Variants in VSTM2L observed in about 807,000 individuals in gnomAD.
VSTM2L encodes the protein V-set and transmembrane domain containing 2 like, also known as V-set and transmembrane domain-containing protein 2-like protein.
In VSTM2L, 9 loss-of-function variants were observed where a neutral mutation model predicts 19.9. That is an observed-to-expected ratio of 0.45 (90% CI 0.27 to 0.79). The LOEUF is 0.79. Among genes scored for constraint, VSTM2L ranks in the 30% least tolerant of loss-of-function variants. The pLI, the probability that VSTM2L is intolerant of heterozygous loss-of-function variation, is 0.15. For synonymous variants in VSTM2L, 127 were observed against 133.8 expected (o/e 0.95, Z 0.35); for missense variants, 286 against 295.5 (o/e 0.97, Z 0.24).
rs1178031333 is a variant in VSTM2L at position 37,944,285 on chromosome 20, C to G, written c.*32C>G. 2.7e-6 allele frequency: 4 copies of G among 1,457,026 alleles called. No homozygotes were observed. The highest frequency in any genetic ancestry group is 2.7e-6 in the Non-Finnish European group (3 of 1,097,924). The allele number at this position is 1,457,026 out of a possible 1,614,324, so 90.3% of individuals were successfully genotyped here. Reference sequence around the variant, plus strand: ...GCCCCTGCCCCCGCCCATCCGCCCCCACGCTGTACAGAGTGCATGAGGAGC... The same window carrying G: ...GCCCCTGCCCCCGCCCATCCGCCCCGACGCTGTACAGAGTGCATGAGGAGC... On this transcript the variant is annotated 3_prime_UTR_variant, in exon 4 of 4. Coordinates refer to ENST00000373461, the MANE Select transcript of VSTM2L (RefSeq NM_080607.3).
At chr20:37,933,059 A>G (rs946603031) in intron 2 of VSTM2L, among the ~76,000 whole-genome samples, 5 of 152,214 alleles carry the variant, frequency 3.3e-5, no homozygotes, top group Non-Finnish European at 5.9e-5. Context: ...CGTTGCAGGT[A>G]TCTGCGGTTG....
chr20:37,916,973 C>T (rs1227681384), intron 1 of VSTM2L, among the ~76,000 whole-genome samples: 1 of 152,096 alleles, frequency 6.6e-6, no homozygotes, highest in Non-Finnish European at 1.5e-5. Flanking sequence ...GGACTAGTTG[C>T]ATCACATTGT....
chr20:37,936,042 A>C (rs11907694), intron 3 of VSTM2L, among the ~76,000 whole-genome samples: 3,360 of 140,730 alleles, frequency 0.024, 127 homozygotes, highest in African/African-American at 0.082. Context: ...AGGCCACCAT[A>C]CCTAGCTAAT....
At chr20:37,924,550 G>A (rs1488159386) in intron 1 of VSTM2L, among the ~76,000 whole-genome samples, 2 of 124,828 alleles carry the variant, frequency 1.6e-5, no homozygotes, top group African/African-American at 3.1e-5. Context: ...GTGAGACTCT[G>A]TCTCAAAAAA....
intron 1 of VSTM2L, among the ~76,000 whole-genome samples, chr20:37,917,247 G>A (rs928619536): frequency 3.3e-5 from 5 of 152,068 alleles, no homozygotes; most frequent in Admixed American, 1.3e-4. Flanking sequence ...CCTGGGAGGC[G>A]GAGGTTGCAG....
intron 1 of VSTM2L, among the ~76,000 whole-genome samples, chr20:37,919,662 C>G (rs992918988): frequency 6.6e-6 from 1 of 152,252 alleles, no homozygotes; most frequent in Non-Finnish European, 1.5e-5. Flanking sequence ...GCACACACAC[C>G]CTTGTGGCCT....
At position 37,945,269 on chromosome 20, in the gene VSTM2L, C is replaced by A; in HGVS notation, c.*1016C>A. The stretch of plus-strand genomic sequence containing the variant: ...TGGGGGAGGTGGGAGAGGCCGAGGG[C>A]TTTGCCTAGGGGTGGGTTGCCCTGT... On this transcript the variant is annotated 3_prime_UTR_variant, in exon 4 of 4. Coordinates refer to ENST00000373461, the MANE Select transcript of VSTM2L (RefSeq NM_080607.3). 2.0e-6 allele frequency: 2 copies of A among 985,496 alleles called. No homozygotes were observed. Among genetic ancestry groups the A allele is most frequent in the Non-Finnish European group, 2.4e-6 (2 of 829,996 alleles). The allele number at this position is 985,496 out of a possible 1,614,324, so 61.0% of individuals were successfully genotyped here.
rs1354249642 is a variant in VSTM2L, at chr20:37,942,862, A to C, written c.343-1119A>C. Among the ~76,000 whole-genome samples, 6 of 152,210 alleles carry C rather than the reference A, an allele frequency of 3.9e-5. No individual in the cohort carries two copies. The East Asian group carries it at 1.2e-3, about 29-fold the overall frequency. ...AAGTACAAAGACGAATATAACAAACATCCTTGCTCCCCCCAAGTGGAGTGA... is the reference window on the plus strand; with the variant it reads ...AAGTACAAAGACGAATATAACAAACCTCCTTGCTCCCCCCAAGTGGAGTGA... On this transcript the variant is annotated intron_variant, in intron 3 of 3. Transcript: ENST00000373461.
Position 37,904,513 on chromosome 20 carries a change from C to T in VSTM2L, c.121+1042C>T, listed in dbSNP as rs546431581. On this transcript the variant is annotated intron_variant, in intron 1 of 3. Transcript: ENST00000373461. ...TGTATGAGCCCGGCAGCTGTGGGGG[C>T]TCCCCCTGACCCCTGTGAGCCTGGC... 9.8e-5 allele frequency among the ~76,000 whole-genome samples: 15 copies of T among 152,314 alleles called. No homozygotes were observed. In the South Asian group the frequency reaches 1.9e-3, roughly 19 times the overall value.
chr20:37,919,851 A>G (rs2072840804), intron 1 of VSTM2L, among the ~76,000 whole-genome samples: 1 of 152,156 alleles, frequency 6.6e-6, no homozygotes, highest in Admixed American at 6.5e-5. Context: ...GTGTGATCTC[A>G]GGCACCGACT....
intron 1 of VSTM2L, among the ~76,000 whole-genome samples, chr20:37,919,781 TG>T (rs2072840377): frequency 6.6e-6 from 1 of 152,152 alleles, no homozygotes. Flanking sequence ...TAGGCTTCAG[TG>T]GGGGAAATTT....
intron 1 of VSTM2L, among the ~76,000 whole-genome samples, chr20:37,928,178 A>G (rs868161006): frequency 2.0e-5 from 3 of 152,172 alleles, no homozygotes; most frequent in Middle Eastern, 3.4e-3. Context: ...ATGTTTGCAA[A>G]TGCCCCTGGT....
intron 1 of VSTM2L, among the ~76,000 whole-genome samples, chr20:37,924,234 A>G (rs979903935): frequency 8.5e-5 from 13 of 152,136 alleles, no homozygotes; most frequent in Non-Finnish European, 1.5e-5. Flanking sequence ...AGCCTGGATG[A>G]CAGAGTGAGA....
intron 1 of VSTM2L, among the ~76,000 whole-genome samples, chr20:37,905,458 G>GA (rs924377401): frequency 6.6e-5 from 10 of 152,184 alleles, no homozygotes; most frequent in Non-Finnish European, 1.5e-4. Flanking sequence ...CAGGTAAGCT[G>GA]AGGGGGCACA....
rs1228673726 is a variant in VSTM2L at position 37,945,145 on chromosome 20, G to A, written c.*892G>A. The A allele has an allele frequency of 3.1e-5, 31 of 985,506 alleles. No homozygotes were observed. The highest frequency in any genetic ancestry group is 1.1e-4 in the East Asian group (1 of 8,804). 61.0% of individuals were successfully genotyped at this position (985,506 alleles called of 1,614,324 possible). On this transcript the variant is annotated 3_prime_UTR_variant, in exon 4 of 4. Transcript: ENST00000373461. ...CAGTTCCCTCACGATTCCCGATCAC[G>A]GGCACACCTGCCCCCTGGTTATTTG... is the stretch of plus-strand genomic sequence containing the variant.
chr20:37,931,895 G>C, intron 2 of VSTM2L, 91 bp downstream of exon 2: 1 of 1,393,172 alleles, frequency 7.2e-7, no homozygotes, highest in Non-Finnish European at 9.7e-7. Context: ...TCCTCTGAGG[G>C]ATATGGGCTC....
chr20:37,927,721 G>A (rs1285882381), intron 1 of VSTM2L, among the ~76,000 whole-genome samples: 1 of 152,216 alleles, frequency 6.6e-6, no homozygotes, highest in African/African-American at 2.4e-5. Context: ...GGGGCCGTGG[G>A]CAGGAGGAGA....
chr20:37,930,728 G>A (rs1457864080), intron 1 of VSTM2L, among the ~76,000 whole-genome samples: 3 of 152,116 alleles, frequency 2.0e-5, no homozygotes, highest in Non-Finnish European at 2.9e-5. Flanking sequence ...CTGGGCTGTG[G>A]TGGAGAGCTG....
In VSTM2L at chr20:37,944,082, C is replaced by T. The variant is rs540950617; in HGVS notation, c.444C>T (p.Ser148=). The T allele has an allele frequency of 1.1e-4, 180 of 1,612,836 alleles. No individual in the cohort carries two copies. The South Asian group carries it at 1.6e-3, about 14-fold the overall frequency. Residue 148 remains serine (S), a synonymous_variant, in exon 4 of 4, where the codon AGC becomes AGT. Transcript: ENST00000373461. ...GTYECRVIDF[S]DGKARHHKVK... is the part of the protein sequence containing the mutation. ...ACGAGTGCCGCGTCATCGACTTCAG[C>T]GACGGCAAGGCCCGGCACCACAAGG...
Sources: allele counts gnomAD v4.1 joint callset (sites outside exome capture counted in the v4.1 genomes callset), GRCh38; gene constraint gnomAD v4.1.1; transcripts MANE v1.5; gene names NCBI Gene and HGNC (gene_info 2026-07-23, HGNC 2026-07-21).